SLC25A48: variants seen among roughly 807,000 people sequenced by gnomAD.
SLC25A48 encodes the protein solute carrier family 25 member 48.
Under a neutral mutation model 32.2 loss-of-function variants are expected in SLC25A48, and 29 were observed. The ratio of observed to expected loss-of-function variants is 0.90; its 90% CI spans 0.67 to 1.23. The LOEUF is 1.23. Among genes scored for constraint, SLC25A48 ranks in the 50% most tolerant of loss-of-function variants. The pLI is 0.00. For synonymous variants in SLC25A48, 164 were observed against 172.3 expected (o/e 0.95, Z 0.38); for missense variants, 399 against 422.7 (o/e 0.94, Z 0.49).
At chr5:135,604,452 G>A (rs936615595) in intron 1 of SLC25A48, among the ~76,000 whole-genome samples, 1 of 152,166 alleles carries the variant, frequency 6.6e-6, no homozygotes, top group African/African-American at 2.4e-5. Context: ...GTGGAGAACC[G>A]GCCAGTCCTG....
At chr5:135,618,189 G>GT (rs1752233423) in intron 1 of SLC25A48, among the ~76,000 whole-genome samples, 1 of 151,918 alleles carries the variant, frequency 6.6e-6, no homozygotes, top group Admixed American at 6.6e-5. Context: ...TATTTTTACT[G>GT]TTTTTGACTT....
intron 4 of SLC25A48, among the ~76,000 whole-genome samples, chr5:135,853,453 G>C (rs1265759740): frequency 6.6e-6 from 1 of 152,198 alleles, no homozygotes; most frequent in African/African-American, 2.4e-5. Flanking sequence ...TAAGTTTATG[G>C]ATATTCTAAA....
At chr5:135,856,035 G>A (rs1296162593) in intron 4 of SLC25A48, among the ~76,000 whole-genome samples, 1 of 152,222 alleles carries the variant, frequency 6.6e-6, no homozygotes, top group Admixed American at 6.5e-5. Context: ...AAACAGGAAG[G>A]CACTTGCTGT....
At chr5:135,762,681 A>G (rs1322348455) in intron 3 of SLC25A48, among the ~76,000 whole-genome samples, 1 of 152,080 alleles carries the variant, frequency 6.6e-6, no homozygotes, top group Non-Finnish European at 1.5e-5. Context: ...AGTGTTGAGT[A>G]TATAAGAACG....
At chr5:135,742,366 T>A in intron 3 of SLC25A48, 1 of 1,024,516 alleles carries the variant, frequency 9.8e-7, no homozygotes, top group Non-Finnish European at 1.3e-6. Flanking sequence ...CAAGCATGAA[T>A]CACCACACCT....
intron 1 of SLC25A48, among the ~76,000 whole-genome samples, chr5:135,623,313 C>T (rs1752367656): frequency 1.3e-5 from 2 of 152,170 alleles, no homozygotes; most frequent in Admixed American, 1.3e-4. Context: ...TACCTAGCTC[C>T]AGGATCCTGG....
rs1759915459 is a variant in SLC25A48, at chr5:135,852,041, G to C, written c.163-522G>C. Reference sequence around the variant, plus strand: ...ACCACAGGCTTAGTAGACTGCCTTTGTTGTAACTGCCTGTCAATTTGTCTG... The same window carrying C: ...ACCACAGGCTTAGTAGACTGCCTTTCTTGTAACTGCCTGTCAATTTGTCTG... On this transcript the variant is annotated intron_variant, in intron 3 of 7. Coordinates refer to ENST00000681962, the MANE Select transcript of SLC25A48 (RefSeq NM_001349336.2). 2.0e-5 allele frequency among the ~76,000 whole-genome samples: 3 copies of C among 152,192 alleles called. No homozygotes were observed. In the South Asian group the frequency reaches 6.2e-4, roughly 32 times the overall value.
chr5:135,615,203 A>G (rs56026091), intron 1 of SLC25A48, among the ~76,000 whole-genome samples: 10,570 of 152,294 alleles, frequency 0.069, 379 homozygotes, highest in South Asian at 0.16. Flanking sequence ...GAACTGGGTA[A>G]TGGTTGGAAC....
chr5:135,654,152 G>A (rs1753186411), intron 3 of SLC25A48, among the ~76,000 whole-genome samples: 1 of 152,202 alleles, frequency 6.6e-6, no homozygotes, highest in East Asian at 1.9e-4. Context: ...GTGAGTACGG[G>A]TTACTAGGTA....
intron 3 of SLC25A48, chr5:135,649,567 TCTCTGGGGTAGTGC>T (rs1753054605): frequency 6.6e-6 from 1 of 152,266 alleles, no homozygotes; most frequent in African/African-American, 2.4e-5. Flanking sequence ...AGGGAAGACT[TCTCTGGGGTAGTGC>T]CTTTATACTT....
exon 4 of SLC25A48, chr5:135,812,832 G>GC (rs5871580): frequency 0.35 from 53,711 of 152,190 alleles, 9,620 homozygotes; most frequent in East Asian, 0.44. Context: ...GACAGCCACT[G>GC]CAGGCTGCCA....
At position 135,809,528 on chromosome 5, in the gene SLC25A48, T is replaced by C. The variant is rs1274177546; in HGVS notation, c.-520-2995T>C. ...ATTGATGTACAGTAAAATTTACTGT[T>C]TTTAGTGGAAACTTCTGTGGGTTTT... On this transcript the variant is annotated intron_variant, in intron 3 of 10. Transcript: ENST00000646290. Among the ~76,000 whole-genome samples, 3 of 152,204 alleles carry C rather than the reference T, an allele frequency of 2.0e-5. No homozygotes were observed. In the East Asian group the frequency reaches 5.8e-4, roughly 29 times the overall value.
intron 4 of SLC25A48, among the ~76,000 whole-genome samples, chr5:135,855,750 C>T (rs1049479524): frequency 1.1e-4 from 17 of 152,212 alleles, no homozygotes; most frequent in African/African-American, 4.1e-4. Context: ...GGGACTCATA[C>T]GCATGTATGT....
rs144268776 is a variant in SLC25A48, at chr5:135,793,638, T to G, written c.-520-18885T>G. Among the ~76,000 whole-genome samples the G allele has an allele frequency of 5.4e-3, 815 of 151,978 alleles. 7 individuals carry two copies. The highest frequency in any genetic ancestry group is 0.019 in the African/African-American group (777 of 41,484). On this transcript the variant is annotated intron_variant, in intron 3 of 10. Coordinates refer to the SLC25A48 transcript ENST00000646290. ...ATAACATTTTGGGGAGATATTACTCTCCTAATGTCACAGTGCATTTCCATC... is the reference window on the plus strand; with the variant it reads ...ATAACATTTTGGGGAGATATTACTCGCCTAATGTCACAGTGCATTTCCATC...
Position 135,780,157 on chromosome 5 carries a change from C to T in SLC25A48, c.-520-32366C>T, listed in dbSNP as rs1162284513. Among the ~76,000 whole-genome samples, 9 of 77,252 alleles carry T rather than the reference C, an allele frequency of 1.2e-4. 2 individuals carry two copies. Among genetic ancestry groups the T allele is most frequent in the South Asian group, 6.1e-4 (1 of 1,640 alleles). The allele number at this position is 77,252 out of a possible 152,430, so 50.7% of individuals were successfully genotyped here. On this transcript the variant is annotated intron_variant, in intron 3 of 10. Transcript: ENST00000646290. The stretch of plus-strand genomic sequence containing the variant: ...AACCGTGCCTGTGTTATTGTTTCTT[C>T]GTCTTTTTTTTTTTTTTTTTTTTTT...
chr5:135,592,420 T>G (rs1017178261), intron 1 of SLC25A48, among the ~76,000 whole-genome samples: 14 of 152,180 alleles, frequency 9.2e-5, no homozygotes, highest in South Asian at 4.1e-4. Context: ...GCCTTTGGGA[T>G]GTAGTAAGTG....
intron 2 of SLC25A48, among the ~76,000 whole-genome samples, chr5:135,633,181 G>GCTGT (rs1476319741): frequency 6.6e-6 from 1 of 152,114 alleles, no homozygotes; most frequent in Non-Finnish European, 1.5e-5. Context: ...AAGAAAGTGG[G>GCTGT]CTGTACGGTT....
chr5:135,723,167 C>G (rs1580814570), intron 3 of SLC25A48, among the ~76,000 whole-genome samples: 1 of 152,282 alleles, frequency 6.6e-6, no homozygotes, highest in Non-Finnish European at 1.5e-5. Context: ...GTCTGGCGCC[C>G]CAGACTATGT....
intron 3 of SLC25A48, chr5:135,714,758 T>G (rs1754755147): frequency 6.6e-6 from 1 of 152,302 alleles, no homozygotes; most frequent in Admixed American, 6.5e-5. Context: ...AGGCCATTAT[T>G]ATCCTATTCT....
Sources: allele counts gnomAD v4.1 joint callset (sites outside exome capture counted in the v4.1 genomes callset), GRCh38; gene constraint gnomAD v4.1.1; transcripts MANE v1.5; gene names NCBI Gene and HGNC (gene_info 2026-07-23, HGNC 2026-07-21).